The following ALKBH8 variants were observed in gnomAD, a reference collection of about 807,000 sequenced individuals.
ALKBH8 encodes tRNA (carboxymethyluridine(34)-5-O)-methyltransferase ALKBH8.
In ALKBH8, 36 loss-of-function variants were observed where a neutral mutation model predicts 59.8. The observed-to-expected ratio is 0.60, with a 90% CI of 0.46 to 0.79. ALKBH8 has a LOEUF of 0.79. ALKBH8 is among the 30% of genes least tolerant of loss of function. The pLI, the probability that ALKBH8 is intolerant of heterozygous loss-of-function variation, is 0.00. For synonymous variants in ALKBH8, 276 were observed against 273.6 expected, an observed-to-expected ratio of 1.01 and a Z score of -0.09; for missense variants, 768 against 801.0, an observed-to-expected ratio of 0.96 and a Z score of 0.50.
At chr11:107,535,490 C>T (rs548599021) in intron 7 of ALKBH8, among the ~76,000 whole-genome samples, 3 of 152,206 alleles carry the variant, frequency 2.0e-5, no homozygotes, top group East Asian at 1.9e-4. Flanking sequence ...TTTTGATTTG[C>T]ATTTCCCTGA....
At chr11:107,509,493 T>C (rs907695884) in intron 11 of ALKBH8, among the ~76,000 whole-genome samples, 1 of 152,330 alleles carries the variant, frequency 6.6e-6, no homozygotes, top group African/African-American at 2.4e-5. Flanking sequence ...TGTACAAGTT[T>C]TTAATTTTGA....
intron 10 of ALKBH8, among the ~76,000 whole-genome samples, chr11:107,519,669 C>G (rs535987087): frequency 6.6e-6 from 1 of 152,208 alleles, no homozygotes; most frequent in Non-Finnish European, 1.5e-5. Flanking sequence ...TCTGAAAATC[C>G]AAAATCTGAA....
At chr11:107,554,634 T>C (rs1160417841) in intron 3 of ALKBH8, among the ~76,000 whole-genome samples, 1 of 152,240 alleles carries the variant, frequency 6.6e-6, no homozygotes, top group Non-Finnish European at 1.5e-5. Flanking sequence ...GCTTTTCTGC[T>C]GGACAGTTTT....
chr11:107,529,870 A>C (rs1281566693), intron 8 of ALKBH8, among the ~76,000 whole-genome samples: 3 of 152,152 alleles, frequency 2.0e-5, no homozygotes, highest in African/African-American at 4.8e-5. Flanking sequence ...CTAAGATAAA[A>C]ACAATAGTAC....
chr11:107,545,051 A>G (rs1864194396), intron 7 of ALKBH8, among the ~76,000 whole-genome samples: 1 of 152,178 alleles, frequency 6.6e-6, no homozygotes. Flanking sequence ...GGACTCTCAG[A>G]TAAGAATAAA....
At chr11:107,541,380 C>A (rs1415650639) in intron 7 of ALKBH8, among the ~76,000 whole-genome samples, 1 of 152,174 alleles carries the variant, frequency 6.6e-6, no homozygotes, top group Non-Finnish European at 1.5e-5. Flanking sequence ...AGCTAAAACC[C>A]AAGTCCCCCA....
intron 5 of ALKBH8, 33 bp from the exon 6 acceptor site, chr11:107,551,945 A>C: frequency 8.0e-7 from 1 of 1,254,066 alleles, no homozygotes; most frequent in South Asian, 1.8e-5. Context: ...CAAAACATTA[A>C]AATATTTACT....
intron 8 of ALKBH8, among the ~76,000 whole-genome samples, chr11:107,531,493 A>T (rs478625): frequency 0.042 from 6,411 of 152,302 alleles, 460 homozygotes; most frequent in African/African-American, 0.15. Flanking sequence ...AAGTTGAGAA[A>T]CTCTTTCAAA....
intron 8 of ALKBH8, 26 bp downstream of exon 8, chr11:107,532,264 TAAAGAAAAAG>T: frequency 6.4e-7 from 1 of 1,559,516 alleles, no homozygotes; most frequent in Non-Finnish European, 8.8e-7. Flanking sequence ...AGAAGTCTCA[TAAAGAAAAAG>T]AATCCTGTCA....
At position 107,504,805 on chromosome 11, in the gene ALKBH8, G is replaced by A. The variant is rs1390007368; in HGVS notation, c.1848C>T (p.Ser616=). 1 of 1,551,774 alleles carries A rather than the reference G, an allele frequency of 6.4e-7. No individual in the cohort carries two copies. The highest frequency in any genetic ancestry group is 2.4e-5 in the East Asian group (1 of 40,914). The change falls in exon 12 of 12, where the codon TCC becomes TCT. Residue 616 remains serine, a synonymous_variant. Transcript: ENST00000428149. The part of the protein sequence containing the change: ...KPVEPFGPIG[S]QDPSPVFHRY... The stretch of plus-strand genomic sequence containing the variant: ...GATGAAACACAGGACTTGGGTCCTG[G>A]GATCCTATGGGACCAAATGGCTCAA...
At position 107,556,575 on chromosome 11, in the gene ALKBH8, C is replaced by G. The variant is rs552797613; in HGVS notation, c.367+191G>C. Among the ~76,000 whole-genome samples the G allele has an allele frequency of 1.4e-4, 22 of 152,260 alleles. 1 individual carries two copies. The South Asian group carries it at 4.6e-3, about 32-fold the overall frequency. On this transcript the variant is annotated intron_variant, in intron 3 of 11. Transcript: ENST00000428149. ...TTGTAAAGGCAGGTTGTATCTTATT[C>G]ACCTCTGTACTGTCAACTACTTGTC...
In ALKBH8 at chr11:107,504,801, C is replaced by T. The variant is rs1387806414; in HGVS notation, c.1852G>A (p.Asp618Asn). The T allele has an allele frequency of 4.5e-6, 7 of 1,551,866 alleles. No homozygotes were observed. Among genetic ancestry groups the T allele is most frequent in the Non-Finnish European group, 6.1e-6 (7 of 1,147,022 alleles). ...VEPFGPIGSQDPSPVFHRYYH... is the reference protein window; with the variant it reads ...VEPFGPIGSQNPSPVFHRYYH... ...TAACGATGAAACACAGGACTTGGGT[C>T]CTGGGATCCTATGGGACCAAATGGC... is the stretch of plus-strand genomic sequence containing the variant. Residue 618 changes from aspartate to asparagine, a missense_variant, in exon 12 of 12, where the codon GAC (aspartate) becomes AAC (asparagine). By Grantham distance (23) the Asp-to-Asn change is conservative. Coordinates refer to ENST00000428149, the MANE Select transcript of ALKBH8 (RefSeq NM_138775.3).
At chr11:107,526,518 T>G (rs1863363507) in intron 8 of ALKBH8, among the ~76,000 whole-genome samples, 1 of 151,926 alleles carries the variant, frequency 6.6e-6, no homozygotes, top group Non-Finnish European at 1.5e-5. Context: ...GTATTTTCTC[T>G]CCATGTGTGG....
intron 8 of ALKBH8, among the ~76,000 whole-genome samples, chr11:107,527,107 GACTGGAATTAC>G (rs1667907589): frequency 6.6e-6 from 1 of 151,830 alleles, no homozygotes. Context: ...CTAGAGTTTT[GACTGGAATTAC>G]ACTGTCTCCA....
chr11:107,551,832 TG>T lies in ALKBH8; in HGVS notation c.675del (p.Ile226Ter). The T allele has an allele frequency of 6.5e-7, 1 of 1,545,120 alleles. No homozygotes were observed. The highest frequency in any genetic ancestry group is 1.3e-5 in the South Asian group (1 of 78,110). ...GYIKHKPDQM[T>X]INQYEPGQGI... ...CCTTGCCCAGGTTCATACTGATTTA[TG>T]GTCATTTGATCAGGTTTATGTTTAA... On this transcript the variant is annotated frameshift_variant, in exon 6 of 12. Transcript: ENST00000428149. LOFTEE classifies it high-confidence loss of function.
chr11:107,517,534 G>A (rs1186678540), intron 10 of ALKBH8, among the ~76,000 whole-genome samples: 1 of 152,200 alleles, frequency 6.6e-6, no homozygotes, highest in Non-Finnish European at 1.5e-5. Flanking sequence ...ATCAATGGAT[G>A]AATACAGTAA....
chr11:107,546,046 G>A (rs879224949), intron 7 of ALKBH8, among the ~76,000 whole-genome samples: 1 of 152,194 alleles, frequency 6.6e-6, no homozygotes, highest in Admixed American at 6.5e-5. Context: ...CAAAGTTCAC[G>A]TGACTCATTC....
At chr11:107,508,609 G>T (rs1358488647) in intron 11 of ALKBH8, among the ~76,000 whole-genome samples, 1 of 152,100 alleles carries the variant, frequency 6.6e-6, no homozygotes, top group Non-Finnish European at 1.5e-5. Context: ...TCCATCTCCA[G>T]AATTTTTTTC....
Position 107,503,181 on chromosome 11 carries a change from T to G in ALKBH8, c.*1477A>C, listed in dbSNP as rs1862246101. ...AACTTTGGTGTCAAGTACCAGAATT[T>G]ATATCAGAAATAAAACTATTTTTAG... On this transcript the variant is annotated 3_prime_UTR_variant, in exon 12 of 12. Coordinates refer to ENST00000428149, the MANE Select transcript of ALKBH8 (RefSeq NM_138775.3). 6.6e-6 allele frequency: 1 copy of G among 152,210 alleles called. No homozygotes were observed. The highest frequency in any genetic ancestry group is 1.5e-5 in the Non-Finnish European group (1 of 68,026). The allele number at this position is 152,210 out of a possible 1,614,324, so 9.4% of individuals were successfully genotyped here. A position where few individuals can be genotyped will look rare whatever the true frequency, so the allele number is the denominator to read the frequency against.
Sources: gnomAD v4.1 joint callset for allele counts (sites outside exome capture counted in the v4.1 genomes callset) on GRCh38, gnomAD v4.1.1 for gene constraint, MANE v1.5 for transcripts, NCBI Gene and HGNC (gene_info 2026-07-23, HGNC 2026-07-21) for gene names.